KDM4C: variants seen among roughly 807,000 people sequenced by gnomAD.
KDM4C encodes lysine-specific demethylase 4C.
KDM4C carries 81 observed loss-of-function variants against 129.3 expected under a neutral mutation model. The observed-to-expected ratio is 0.63, with a 90% confidence interval of 0.52 to 0.75. KDM4C has a LOEUF of 0.75. Among genes scored for constraint, KDM4C ranks in the 30% least tolerant of loss-of-function variants. The pLI, the probability that KDM4C is intolerant of heterozygous loss-of-function variation, is 0.00. For synonymous variants in KDM4C, 573 were observed against 456.1 expected, an observed-to-expected ratio of 1.26 and a Z score of -3.26; for missense variants, 1,457 against 1,304.0, an observed-to-expected ratio of 1.12 and a Z score of -1.81.
chr9:6,950,807 G>T (rs1462793376), intron 8 of KDM4C, among the ~76,000 whole-genome samples: 3 of 152,112 alleles, frequency 2.0e-5, no homozygotes, highest in Non-Finnish European at 4.4e-5. Flanking sequence ...CCTTTTCATG[G>T]TTCATCCGGT....
intron 2 of KDM4C, among the ~76,000 whole-genome samples, chr9:6,803,102 A>G (rs1230131709): frequency 6.6e-6 from 1 of 152,208 alleles, no homozygotes; most frequent in Non-Finnish European, 1.5e-5. Flanking sequence ...CTTGGGCAAT[A>G]GGGAAGATGA....
intron 5 of KDM4C, among the ~76,000 whole-genome samples, chr9:6,865,739 T>A (rs1438598026): frequency 7.9e-6 from 1 of 127,180 alleles, no homozygotes; most frequent in African/African-American, 3.1e-5. Context: ...TAATTTTTTT[T>A]TAATTTATTT....
chr9:6,851,599 G>C (rs1479827177), intron 5 of KDM4C, among the ~76,000 whole-genome samples: 1 of 152,172 alleles, frequency 6.6e-6, no homozygotes, highest in Admixed American at 6.5e-5. Flanking sequence ...AATCTGAAAA[G>C]TTAGTAGCAA....
In KDM4C at chr9:7,010,120, G is replaced by A. The variant is rs1484679138; in HGVS notation, c.1787-1578G>A. Among the ~76,000 whole-genome samples, 4 of 152,288 alleles carry A rather than the reference G, an allele frequency of 2.6e-5. No individual in the cohort carries two copies. The East Asian group carries it at 7.7e-4, about 29-fold the overall frequency. ...TCATAAATGCATAAAATTAGCTGTA[G>A]TATATCCTATGCTATAATAATTTTT... On this transcript the variant is annotated intron_variant, in intron 12 of 21. Transcript: ENST00000381309.
intron 1 of KDM4C, among the ~76,000 whole-genome samples, chr9:6,748,056 T>C (rs1168513869): frequency 6.6e-6 from 1 of 151,494 alleles, no homozygotes; most frequent in Non-Finnish European, 1.5e-5. Flanking sequence ...CATGCGCCTA[T>C]GAGGGAGGCT....
chr9:6,798,408 C>G lies in KDM4C; in HGVS notation c.144+5276C>G, dbSNP rs943355344. On this transcript the variant is annotated intron_variant, in intron 2 of 21. Coordinates refer to ENST00000381309, the MANE Select transcript of KDM4C (RefSeq NM_015061.6). ...TTTCCTAGGCAGAGTGTTTGTGTCC[C>G]TGGGTACTTGAGATTATGGAGTGGT... is the stretch of plus-strand genomic sequence containing the variant. Among the ~76,000 whole-genome samples, 3 of 152,036 alleles carry G rather than the reference C, an allele frequency of 2.0e-5. 1 individual carries two copies. The highest frequency in any genetic ancestry group is 2.0e-4 in the Admixed American group (3 of 15,248).
intron 1 of KDM4C, among the ~76,000 whole-genome samples, chr9:6,764,412 G>C (rs756730737): frequency 6.6e-6 from 1 of 152,090 alleles, no homozygotes; most frequent in Non-Finnish European, 1.5e-5. Context: ...TTGCACAGTT[G>C]CTCATTATTT....
chr9:6,950,372 G>A (rs1563870021), intron 8 of KDM4C, among the ~76,000 whole-genome samples: 2 of 151,994 alleles, frequency 1.3e-5, no homozygotes, highest in South Asian at 4.1e-4. Flanking sequence ...ACTGATCTAG[G>A]CTTTTTTGTT....
chr9:7,067,498 G>A (rs1832588813), intron 17 of KDM4C, among the ~76,000 whole-genome samples: 1 of 152,182 alleles, frequency 6.6e-6, no homozygotes, highest in African/African-American at 2.4e-5. Flanking sequence ...CAGAGTTTAG[G>A]TTATCAGCCT....
At chr9:7,088,898 A>T (rs983861840) in intron 17 of KDM4C, among the ~76,000 whole-genome samples, 23 of 152,224 alleles carry the variant, frequency 1.5e-4, no homozygotes, top group Non-Finnish European at 2.9e-4. Flanking sequence ...CTCCTTTGCA[A>T]GTGTGCTTTC....
At chr9:6,956,941 C>T (rs530352722) in intron 8 of KDM4C, among the ~76,000 whole-genome samples, 26 of 152,252 alleles carry the variant, frequency 1.7e-4, no homozygotes, top group African/African-American at 4.6e-4. Flanking sequence ...TGGCTTGGTT[C>T]TGTTTCTGAA....
At chr9:6,985,599 A>AGGTAGAGAAGGT (rs1204947903) in intron 10 of KDM4C, among the ~76,000 whole-genome samples, 2 of 152,248 alleles carry the variant, frequency 1.3e-5, no homozygotes, top group African/African-American at 4.8e-5. Context: ...TAAGATAGCA[A>AGGTAGAGAAGGT]GGCAGAGAAG....
chr9:6,863,902 T>C (rs1263393244), intron 5 of KDM4C, among the ~76,000 whole-genome samples: 1 of 151,814 alleles, frequency 6.6e-6, no homozygotes, highest in African/African-American at 2.4e-5. Flanking sequence ...ACCGTGAAGA[T>C]GGCACCAAGC....
intron 1 of KDM4C, among the ~76,000 whole-genome samples, chr9:6,724,728 A>T (rs1817066328): frequency 6.6e-6 from 1 of 151,992 alleles, no homozygotes; most frequent in South Asian, 2.1e-4. Flanking sequence ...ATGGGGTTTC[A>T]CCATGTTGTA....
At chr9:7,170,294 C>G (rs1587979741) in intron 21 of KDM4C, 3 of 1,058,040 alleles carry the variant, frequency 2.8e-6, no homozygotes, top group Non-Finnish European at 3.4e-6. Flanking sequence ...GAATGTCTGT[C>G]TATTCTTTTA....
chr9:7,001,863 T>G (rs185974539), intron 12 of KDM4C, among the ~76,000 whole-genome samples: 2 of 152,256 alleles, frequency 1.3e-5, no homozygotes, highest in Non-Finnish European at 2.9e-5. Context: ...ATGAAATAGC[T>G]TATGAATCTG....
intron 12 of KDM4C, among the ~76,000 whole-genome samples, chr9:6,991,633 A>G (rs1818765041): frequency 6.6e-6 from 1 of 152,208 alleles, no homozygotes; most frequent in East Asian, 1.9e-4. Context: ...GTGAGTAACA[A>G]GAAGCTCAAG....
chr9:6,755,767 TG>T (rs1818229952), upstream of KDM4C, among the ~76,000 whole-genome samples: 1 of 152,150 alleles, frequency 6.6e-6, no homozygotes, highest in African/African-American at 2.4e-5. Flanking sequence ...ATTCATAATA[TG>T]GAGGTATTTT....
intron 1 of KDM4C, among the ~76,000 whole-genome samples, chr9:6,744,203 A>G (rs1291205916): frequency 6.6e-6 from 1 of 152,154 alleles, no homozygotes; most frequent in Non-Finnish European, 1.5e-5. Context: ...AGAACTCAGG[A>G]TCTAATTCAC....
Sources: gnomAD v4.1 joint callset for allele counts (sites outside exome capture counted in the v4.1 genomes callset) on GRCh38, gnomAD v4.1.1 for gene constraint, MANE v1.5 for transcripts, NCBI Gene and HGNC (gene_info 2026-07-23, HGNC 2026-07-21) for gene names.